The following NPTXR variants were observed in gnomAD, a reference collection of about 807,000 sequenced individuals.
The protein encoded by NPTXR is neuronal pentraxin receptor.
In NPTXR, 12 loss-of-function variants were observed where a neutral mutation model predicts 32.2. That is an observed-to-expected ratio of 0.37 (90% CI 0.24 to 0.60). NPTXR has a LOEUF of 0.60. Among genes scored for constraint, NPTXR ranks in the 20% least tolerant of loss-of-function variants. NPTXR has a pLI of 0.66. For missense variants in NPTXR, 612 were observed against 682.9 expected (o/e 0.90, Z 1.16); for synonymous variants, 323 against 315.8 (o/e 1.02, Z -0.24).
chr22:38,843,446 A>C lies in NPTXR; in HGVS notation c.413T>G (p.Leu138Arg). The C allele has an allele frequency of 7.3e-7, 1 of 1,373,312 alleles. No homozygotes were observed. Among genetic ancestry groups the C allele is most frequent in the South Asian group, 1.7e-5 (1 of 57,698 alleles). 85.1% of individuals were successfully genotyped at this position (1,373,312 alleles called of 1,614,324 possible). ...GGCGCGGATGCGCGCCTCCTGCTGCAGCGCCGTCTGGCGCAGCTGCTCGGC... is the reference window on the plus strand; with the variant it reads ...GGCGCGGATGCGCGCCTCCTGCTGCCGCGCCGTCTGGCGCAGCTGCTCGGC... The change falls in exon 1 of 5, where the codon CTG (leucine) becomes CGG (arginine). Residue 138 changes from leucine to arginine, a missense_variant. Coordinates refer to ENST00000333039, the MANE Select transcript of NPTXR (RefSeq NM_014293.4). This position sits in a 1 kb window ranked among gnomAD's most constrained non-coding sequence, Gnocchi z 5.3.
At position 38,843,109 on chromosome 22, in the gene NPTXR, C is replaced by G; in HGVS notation, c.624+126G>C. On this transcript the variant is annotated intron_variant, in intron 1 of 4. Coordinates refer to ENST00000333039, the MANE Select transcript of NPTXR (RefSeq NM_014293.4). The surrounding 1 kb of genome is among the most constrained non-coding windows in gnomAD (Gnocchi z 5.3). ...TATCGAAATCCCCCCGCCTCGCCAG[C>G]GAGGAAGGCGCGATCGTCCCCGGAA... 1.0e-6 allele frequency: 1 copy of G among 995,320 alleles called. No homozygotes were observed. Among genetic ancestry groups the G allele is most frequent in the Non-Finnish European group, 1.3e-6 (1 of 775,292 alleles). The allele number at this position is 995,320 out of a possible 1,614,324, so 61.7% of individuals were successfully genotyped here.
intron 1 of NPTXR, among the ~76,000 whole-genome samples, chr22:38,831,100 C>T (rs2093115487): frequency 6.6e-6 from 1 of 152,208 alleles, no homozygotes; most frequent in African/African-American, 2.4e-5. Flanking sequence ...ACCACAAAGC[C>T]TTGGTTTCCC....
At chr22:38,836,143 C>T (rs1237207584) in intron 1 of NPTXR, among the ~76,000 whole-genome samples, 3 of 152,102 alleles carry the variant, frequency 2.0e-5, no homozygotes, top group Non-Finnish European at 4.4e-5. Context: ...ATGACCATAC[C>T]GAGTTTGGCG....
Position 38,822,173 on chromosome 22 carries a change from T to A in NPTXR, c.*436A>T, listed in dbSNP as rs2093098658. 5.1e-6 allele frequency: 1 copy of A among 196,910 alleles called. No individual in the cohort carries two copies. Among genetic ancestry groups the A allele is most frequent in the Non-Finnish European group, 1.1e-5 (1 of 94,018 alleles). The allele number at this position is 196,910 out of a possible 1,614,324, so 12.2% of individuals were successfully genotyped here. On this transcript the variant is annotated 3_prime_UTR_variant, in exon 5 of 5. Coordinates refer to ENST00000333039, the MANE Select transcript of NPTXR (RefSeq NM_014293.4). The stretch of plus-strand genomic sequence containing the variant: ...GTCCTCGTCATCCCCTTCTACAGCC[T>A]GTTGTGGCCCTGAAGGGGAAGCCAC...
chr22:38,829,300 C>T (rs902720575), intron 1 of NPTXR, among the ~76,000 whole-genome samples: 4 of 152,112 alleles, frequency 2.6e-5, no homozygotes, highest in African/African-American at 4.8e-5. Context: ...CCATCCAGCC[C>T]GGGATGAGGT....
At position 38,843,428 on chromosome 22, in the gene NPTXR, A is replaced by G; in HGVS notation, c.431T>C (p.Ile144Thr). Residue 144 changes from isoleucine (I) to threonine (T), a missense_variant, in exon 1 of 5, where the codon ATC becomes ACC. Coordinates refer to ENST00000333039, the MANE Select transcript of NPTXR (RefSeq NM_014293.4). This position sits in a 1 kb window ranked among gnomAD's most constrained non-coding sequence, Gnocchi z 5.3. ...ACGGATGGTGTCCTGGTCGGCGCGG[A>G]TGCGCGCCTCCTGCTGCAGCGCCGT... is the stretch of plus-strand genomic sequence containing the variant. 1.4e-6 allele frequency: 2 copies of G among 1,390,038 alleles called. No homozygotes were observed. The highest frequency in any genetic ancestry group is 1.9e-6 in the Non-Finnish European group (2 of 1,079,098). 86.1% of individuals were successfully genotyped at this position (1,390,038 alleles called of 1,614,324 possible).
At position 38,822,525 on chromosome 22, in the gene NPTXR, C is replaced by T. The variant is rs772458588; in HGVS notation, c.*84G>A. On this transcript the variant is annotated 3_prime_UTR_variant, in exon 5 of 5. Coordinates refer to ENST00000333039, the MANE Select transcript of NPTXR (RefSeq NM_014293.4). ...AGTGGGGCAGGAGGGAAGGCCAGTG[C>T]GTGGGCAGGCTGAGGAGGGAATATG... 27 of 1,218,404 alleles carry T rather than the reference C, an allele frequency of 2.2e-5. No individual in the cohort carries two copies. The highest frequency in any genetic ancestry group is 5.1e-5 in the East Asian group (2 of 39,558). 75.5% of individuals were successfully genotyped at this position (1,218,404 alleles called of 1,614,324 possible).
chr22:38,843,551 C>G lies in NPTXR; in HGVS notation c.308G>C (p.Cys103Ser). The change falls in exon 1 of 5, where the codon TGC becomes TCC. Residue 103 changes from cysteine (C) to serine (S), a missense_variant. Coordinates refer to ENST00000333039, the MANE Select transcript of NPTXR (RefSeq NM_014293.4). The surrounding 1 kb of genome is among the most constrained non-coding windows in gnomAD (Gnocchi z 5.3). ...GTCCCCCTGCTGGGCCCCCGACGGG[C>G]AGGCAGCAGCCAGCGGCGTGCACAG... is the stretch of plus-strand genomic sequence containing the variant. 8.1e-7 allele frequency: 1 copy of G among 1,241,770 alleles called. No individual in the cohort carries two copies. Among genetic ancestry groups the G allele is most frequent in the South Asian group, 3.1e-5 (1 of 32,240 alleles). The allele number at this position is 1,241,770 out of a possible 1,614,324, so 76.9% of individuals were successfully genotyped here.
chr22:38,820,548 C>T lies in NPTXR; in HGVS notation c.*2061G>A, dbSNP rs1458835564. On this transcript the variant is annotated 3_prime_UTR_variant, in exon 5 of 5. Transcript: ENST00000333039. ...GGGACACCTCAGCTCTCCATTCTGC[C>T]GAAGCGCCCAGGGATCATAACCTCC... is the stretch of plus-strand genomic sequence containing the variant. 2 of 152,264 alleles carry T rather than the reference C, an allele frequency of 1.3e-5. No homozygotes were observed. The highest frequency in any genetic ancestry group is 2.9e-5 in the Non-Finnish European group (2 of 68,042). 9.4% of individuals were successfully genotyped at this position (152,264 alleles called of 1,614,324 possible). A position where few individuals can be genotyped will look rare whatever the true frequency, so the allele number is the denominator to read the frequency against.
At position 38,823,178 on chromosome 22, in the gene NPTXR, C is replaced by T; in HGVS notation, c.1183G>A (p.Ala395Thr). ...CCCTGCAGCTCCCCGTCCTGGTAGG[C>T]AGACCATAGGCCATCCCTTGTGGTC... Residue 395 changes from alanine to threonine, a missense_variant, in exon 4 of 5, where the codon GCC (alanine) becomes ACC (threonine). Physicochemically the swap from Ala to Thr is moderately conservative, Grantham distance 58 (BLOSUM62 0). Coordinates refer to ENST00000333039, the MANE Select transcript of NPTXR (RefSeq NM_014293.4). 1 of 1,614,124 alleles carries T rather than the reference C, an allele frequency of 6.2e-7. No individual in the cohort carries two copies. The highest frequency in any genetic ancestry group is 8.5e-7 in the Non-Finnish European group (1 of 1,180,030).
Position 38,828,355 on chromosome 22 carries a change from C to A in NPTXR, c.782G>T (p.Arg261Leu). ...CTTTTCCACTTCCTGCCTCTGCCGG[C>A]GGCTGCTGTGGCTGAGGGCCACACG... The change falls in exon 2 of 5, where the codon CGC becomes CTC. Residue 261 changes from arginine to leucine, a missense_variant. Arg to Leu is a moderately radical substitution (Grantham distance 102, BLOSUM62 -2). Transcript: ENST00000333039. The A allele has an allele frequency of 6.2e-7, 1 of 1,613,110 alleles. No homozygotes were observed.
intron 1 of NPTXR, among the ~76,000 whole-genome samples, chr22:38,831,788 G>A (rs4821839): frequency 0.031 from 4,731 of 152,250 alleles, 111 homozygotes; most frequent in East Asian, 0.11. Context: ...AGGGGCATGC[G>A]GGAGTGAGGC....
At chr22:38,832,861 T>A (rs753871028) in intron 1 of NPTXR, among the ~76,000 whole-genome samples, 3 of 152,054 alleles carry the variant, frequency 2.0e-5, no homozygotes, top group African/African-American at 7.2e-5. Context: ...GGAGAGGTAC[T>A]AATGGCCACG....
At chr22:38,825,203 G>C (rs1321122470) in intron 3 of NPTXR, among the ~76,000 whole-genome samples, 1 of 152,160 alleles carries the variant, frequency 6.6e-6, no homozygotes, top group Non-Finnish European at 1.5e-5. Flanking sequence ...GAGGGGCATC[G>C]GGGAGGGAGG....
Position 38,822,626 on chromosome 22 carries a change from C to A in NPTXR, c.1486G>T (p.Gly496Trp). 1 of 1,612,368 alleles carries A rather than the reference C, an allele frequency of 6.2e-7. No individual in the cohort carries two copies. Among genetic ancestry groups the A allele is most frequent in the South Asian group, 1.1e-5 (1 of 90,808 alleles). ...GTGGCCCCTCATGCCTTGGCCCTCC[C>A]CTTGCAGACATCGAAGGCAGCCTTT... Residue 496 changes from glycine (G) to tryptophan (W), a missense_variant, in exon 5 of 5, where the codon GGG becomes TGG. Transcript: ENST00000333039.
At chr22:38,838,254 G>C (rs2093126970) in intron 1 of NPTXR, among the ~76,000 whole-genome samples, 1 of 152,138 alleles carries the variant, frequency 6.6e-6, no homozygotes, top group South Asian at 2.1e-4. Context: ...CTGGTGGGGG[G>C]CGGGGCAGGG....
intron 1 of NPTXR, among the ~76,000 whole-genome samples, chr22:38,839,956 G>A (rs2093129614): frequency 6.6e-6 from 1 of 152,176 alleles, no homozygotes; most frequent in Non-Finnish European, 1.5e-5. Context: ...GACTGAAAGA[G>A]GGTTGCAAAA....
At position 38,843,505 on chromosome 22, in the gene NPTXR, G is replaced by A; in HGVS notation, c.354C>T (p.Gly118=). ...GCAGCAGCAGCAGCTCTTCGCGCTCGCCCGGCGCAGCGCCCGCCGCGTCCC... is the reference window on the plus strand; with the variant it reads ...GCAGCAGCAGCAGCTCTTCGCGCTCACCCGGCGCAGCGCCCGCCGCGTCCC... Residue 118 remains glycine, a synonymous_variant, in exon 1 of 5, where the codon GGC becomes GGT. Transcript: ENST00000333039. This position sits in a 1 kb window ranked among gnomAD's most constrained non-coding sequence, Gnocchi z 5.3. 7.8e-7 allele frequency: 1 copy of A among 1,281,648 alleles called. No homozygotes were observed. Among genetic ancestry groups the A allele is most frequent in the African/African-American group, 1.6e-5 (1 of 64,256 alleles). The allele number at this position is 1,281,648 out of a possible 1,614,324, so 79.4% of individuals were successfully genotyped here. A position where few individuals can be genotyped will look rare whatever the true frequency, so the allele number is the denominator to read the frequency against.
At position 38,820,036 on chromosome 22, in the gene NPTXR, A is replaced by G. The variant is rs1254167484; in HGVS notation, c.*2573T>C. The stretch of plus-strand genomic sequence containing the variant: ...GCTGTCACCTCCTTCCTAAGACCCC[A>G]TCCTTCTCCCAAGTCCTCCACAAGA... On this transcript the variant is annotated 3_prime_UTR_variant, in exon 5 of 5. Coordinates refer to ENST00000333039, the MANE Select transcript of NPTXR (RefSeq NM_014293.4). 6.6e-6 allele frequency: 1 copy of G among 152,608 alleles called. No homozygotes were observed. Among genetic ancestry groups the G allele is most frequent in the Non-Finnish European group, 1.5e-5 (1 of 68,042 alleles). The allele number at this position is 152,608 out of a possible 1,614,324, so 9.5% of individuals were successfully genotyped here.
Sources: allele counts gnomAD v4.1 joint callset (sites outside exome capture counted in the v4.1 genomes callset), GRCh38; gene constraint gnomAD v4.1.1; non-coding constraint Gnocchi (gnomAD v3.1); transcripts MANE v1.5; gene names NCBI Gene and HGNC (gene_info 2026-07-23, HGNC 2026-07-21).